The following SYNPR variants were observed in gnomAD, a reference collection of about 807,000 sequenced individuals.
SYNPR encodes synaptoporin.
Under a neutral mutation model 32.9 loss-of-function variants are expected in SYNPR, and 23 were observed. That is an observed-to-expected ratio of 0.70 (90% CI 0.50 to 0.99). The LOEUF (loss-of-function observed/expected upper bound fraction) is 0.99. Among genes scored for constraint, SYNPR ranks in the 50% least tolerant of loss-of-function variants. The pLI, the probability that SYNPR is intolerant of heterozygous loss-of-function variation, is 0.00. For synonymous variants in SYNPR, 146 were observed against 135.9 expected (o/e 1.07, Z -0.52); for missense variants, 318 against 349.3 (o/e 0.91, Z 0.71).
chr3:63,502,463 G>C (rs1335671547), intron 3 of SYNPR, among the ~76,000 whole-genome samples: 1 of 152,112 alleles, frequency 6.6e-6, no homozygotes, highest in Non-Finnish European at 1.5e-5. Context: ...ACGGGTTTGA[G>C]TAAATGTACA....
At chr3:63,600,555 TA>T (rs5849567) in intron 4 of SYNPR, among the ~76,000 whole-genome samples, 22,797 of 152,140 alleles carry the variant, frequency 0.15, 1,851 homozygotes, top group African/African-American at 0.22. Context: ...TTTAATCCCC[TA>T]ACTGCCATAA....
At chr3:63,288,933 T>C (rs1338422104) in intron 2 of SYNPR, among the ~76,000 whole-genome samples, 1 of 152,038 alleles carries the variant, frequency 6.6e-6, no homozygotes. Flanking sequence ...AGTTTTGGGG[T>C]CCATTTTATA....
Position 63,615,630 on chromosome 3 carries a change from TG to T in SYNPR, c.*152del, listed in dbSNP as rs1336886524. On this transcript the variant is annotated 3_prime_UTR_variant, in exon 6 of 6. Transcript: ENST00000478300. ...TAGTCTTCATTAAGGCAGCAAGTCCTGGGTTGTGAAAAATGATACTTAGAGA... is the reference window on the plus strand; with the variant it reads ...TAGTCTTCATTAAGGCAGCAAGTCCTGGTTGTGAAAAATGATACTTAGAGA... 1.8e-6 allele frequency: 2 copies of T among 1,103,038 alleles called. No individual in the cohort carries two copies. The highest frequency in any genetic ancestry group is 1.3e-6 in the Non-Finnish European group (1 of 794,362). The allele number at this position is 1,103,038 out of a possible 1,614,324, so 68.3% of individuals were successfully genotyped here.
intron 2 of SYNPR, among the ~76,000 whole-genome samples, chr3:63,347,520 G>A (rs2087452952): frequency 6.6e-6 from 1 of 152,176 alleles, no homozygotes; most frequent in African/African-American, 2.4e-5. Context: ...TACAAGTACA[G>A]TTTTGTTACA....
chr3:63,288,930 G>A (rs1445148153), intron 2 of SYNPR, among the ~76,000 whole-genome samples: 3 of 152,098 alleles, frequency 2.0e-5, no homozygotes, highest in African/African-American at 7.2e-5. Flanking sequence ...ATCAGTTTTG[G>A]GGTCCATTTT....
intron 4 of SYNPR, among the ~76,000 whole-genome samples, chr3:63,594,627 A>T (rs956098126): frequency 2.0e-5 from 3 of 152,166 alleles, no homozygotes; most frequent in Non-Finnish European, 4.4e-5. Context: ...GGATTACAAT[A>T]GTATCTACCC....
chr3:63,397,932 G>T (rs1303516847), intron 2 of SYNPR, among the ~76,000 whole-genome samples: 1 of 152,118 alleles, frequency 6.6e-6, no homozygotes, highest in Non-Finnish European at 1.5e-5. Context: ...CTTTAGCAAA[G>T]AAATCATTTT....
intron 4 of SYNPR, among the ~76,000 whole-genome samples, chr3:63,594,428 G>A (rs756196347): frequency 5.3e-5 from 8 of 152,160 alleles, no homozygotes; most frequent in Non-Finnish European, 8.8e-5. Flanking sequence ...CATAGTAACA[G>A]ATAAATGATA....
chr3:63,578,390 GGA>G (rs1452263278), intron 4 of SYNPR, among the ~76,000 whole-genome samples: 1 of 152,146 alleles, frequency 6.6e-6, no homozygotes, highest in Non-Finnish European at 1.5e-5. Context: ...GTAGGTGTAA[GGA>G]GAGAGTGAGT....
intron 2 of SYNPR, among the ~76,000 whole-genome samples, chr3:63,479,280 C>T (rs147108100): frequency 5.6e-4 from 86 of 152,260 alleles, no homozygotes; most frequent in African/African-American, 2.0e-3. Context: ...CAGTAATATT[C>T]GTTAACATTG....
intron 2 of SYNPR, among the ~76,000 whole-genome samples, chr3:63,440,875 G>A (rs1037907566): frequency 3.3e-5 from 5 of 152,284 alleles, no homozygotes; most frequent in South Asian, 2.1e-4. Context: ...GGGCCTGAGC[G>A]TGGATTTCAT....
intron 2 of SYNPR, among the ~76,000 whole-genome samples, chr3:63,411,660 A>C (rs1017322821): frequency 6.6e-6 from 1 of 152,144 alleles, no homozygotes; most frequent in Non-Finnish European, 1.5e-5. Context: ...AGACATAAAC[A>C]GCATGTTCAA....
intron 2 of SYNPR, among the ~76,000 whole-genome samples, chr3:63,261,232 C>T (rs2086434917): frequency 1.3e-5 from 2 of 152,058 alleles, no homozygotes; most frequent in Non-Finnish European, 2.9e-5. Context: ...ACCCAAAGGA[C>T]TATAAACCAT....
At chr3:63,425,334 T>A (rs1052734918) in intron 2 of SYNPR, among the ~76,000 whole-genome samples, 1 of 152,110 alleles carries the variant, frequency 6.6e-6, no homozygotes, top group Non-Finnish European at 1.5e-5. Flanking sequence ...AGTTTTTGTG[T>A]TTTTCAGACA....
intron 2 of SYNPR, chr3:63,443,131 A>G (rs913951871): frequency 3.5e-6 from 4 of 1,148,874 alleles, no homozygotes; most frequent in East Asian, 5.0e-5. Flanking sequence ...GGAGCTCACC[A>G]TGGTGGCAGC....
At chr3:63,341,619 C>G (rs2107002293) in intron 2 of SYNPR, among the ~76,000 whole-genome samples, 1 of 152,300 alleles carries the variant, frequency 6.6e-6, no homozygotes, top group South Asian at 2.1e-4. Flanking sequence ...TGTTGAGCAT[C>G]TTTTCATATG....
At chr3:63,364,835 G>T (rs1376046490) in intron 2 of SYNPR, among the ~76,000 whole-genome samples, 1 of 152,178 alleles carries the variant, frequency 6.6e-6, no homozygotes, top group Non-Finnish European at 1.5e-5. Context: ...TGGGACGTGG[G>T]ATGTGCTCTA....
In SYNPR at chr3:63,502,593, T is replaced by G. The variant is rs1701503628; in HGVS notation, c.209+21637T>G. ...AACCTCTGACAACCATTGATGCTTT[T>G]TCTGTCTCCATAGTTTTGCTTTTTC... On this transcript the variant is annotated intron_variant, in intron 3 of 5. Coordinates refer to ENST00000478300, the MANE Select transcript of SYNPR (RefSeq NM_001130003.2). Among the ~76,000 whole-genome samples the G allele has an allele frequency of 2.0e-5, 3 of 152,202 alleles. No homozygotes were observed. The South Asian group carries it at 6.2e-4, about 32-fold the overall frequency.
chr3:63,509,772 A>G (rs1309054475), intron 3 of SYNPR, among the ~76,000 whole-genome samples: 1 of 152,174 alleles, frequency 6.6e-6, no homozygotes, highest in African/African-American at 2.4e-5. Context: ...GTACAGCATA[A>G]TCTGAAGCAA....
Sources: allele counts gnomAD v4.1 joint callset (sites outside exome capture counted in the v4.1 genomes callset), GRCh38; gene constraint gnomAD v4.1.1; transcripts MANE v1.5; gene names NCBI Gene and HGNC (gene_info 2026-07-23, HGNC 2026-07-21).